PIP5K1B: variants seen among roughly 807,000 people sequenced by gnomAD.
PIP5K1B encodes phosphatidylinositol-4-phosphate 5-kinase type 1 beta, also known as phosphatidylinositol 4-phosphate 5-kinase type-1 beta.
A neutral mutation model predicts 67.0 loss-of-function variants in PIP5K1B; 42 were observed. That is an observed-to-expected ratio of 0.63 (90% CI 0.49 to 0.81). The LOEUF is 0.81. Ranked by LOEUF, PIP5K1B falls within the 30% of genes least tolerant of loss-of-function variation. The probability of loss-of-function intolerance (pLI) is 0.00; values close to 1 mark genes in which losing one functional copy is unlikely to be tolerated. For missense variants in PIP5K1B, 459 were observed against 646.3 expected, an observed-to-expected ratio of 0.71 and a Z score of 3.14; for synonymous variants, 214 against 231.4, an observed-to-expected ratio of 0.92 and a Z score of 0.68.
intron 1 of PIP5K1B, chr9:68,707,879 G>A (rs1387783706): frequency 6.6e-6 from 1 of 152,172 alleles, no homozygotes; most frequent in African/African-American, 2.4e-5. Context: ...AGTCTCAAGT[G>A]TCTCACATAT....
At chr9:68,927,931 T>C (rs1057320196) in intron 12 of PIP5K1B, among the ~76,000 whole-genome samples, 1 of 152,184 alleles carries the variant, frequency 6.6e-6, no homozygotes, top group African/African-American at 2.4e-5. Context: ...TTTTTGTATA[T>C]GATATGAGGT....
intron 11 of PIP5K1B, among the ~76,000 whole-genome samples, chr9:68,920,295 A>G (rs1826300847): frequency 1.3e-5 from 2 of 152,014 alleles, no homozygotes; most frequent in Admixed American, 1.3e-4. Context: ...AGAGAAAGTG[A>G]AAACTTTTTA....
chr9:68,958,192 T>A (rs1828502167), intron 14 of PIP5K1B, among the ~76,000 whole-genome samples: 1 of 152,128 alleles, frequency 6.6e-6, no homozygotes, highest in South Asian at 2.1e-4. Context: ...TTTTCTCAAA[T>A]GCTAAGTTGC....
At chr9:68,757,873 A>T (rs907187985) in intron 2 of PIP5K1B, among the ~76,000 whole-genome samples, 1 of 152,134 alleles carries the variant, frequency 6.6e-6, no homozygotes, top group Non-Finnish European at 1.5e-5. Context: ...CAGCTATAAA[A>T]CCTGGATAGA....
intron 8 of PIP5K1B, among the ~76,000 whole-genome samples, chr9:68,902,475 C>T (rs1825412395): frequency 6.6e-6 from 1 of 152,100 alleles, no homozygotes; most frequent in South Asian, 2.1e-4. Context: ...AGTGATATTT[C>T]TTGGTATGGA....
At chr9:68,713,983 G>A (rs1827516431) in intron 1 of PIP5K1B, among the ~76,000 whole-genome samples, 1 of 152,166 alleles carries the variant, frequency 6.6e-6, no homozygotes, top group Non-Finnish European at 1.5e-5. Flanking sequence ...AGTAAGGGAT[G>A]GCACAAAGGT....
chr9:68,803,003 A>G (rs2039624), intron 2 of PIP5K1B, among the ~76,000 whole-genome samples: 8,174 of 152,312 alleles, frequency 0.054, 411 homozygotes, highest in African/African-American at 0.13. Context: ...TGTGTTAGAA[A>G]TGATGAGATC....
intron 4 of PIP5K1B, among the ~76,000 whole-genome samples, chr9:68,858,164 C>T (rs1034855569): frequency 6.6e-6 from 1 of 151,820 alleles, no homozygotes; most frequent in Non-Finnish European, 1.5e-5. Flanking sequence ...AGTAGAGACG[C>T]GGTTTCACCA....
At chr9:68,951,850 C>G (rs1380131769) in intron 14 of PIP5K1B, among the ~76,000 whole-genome samples, 2 of 152,196 alleles carry the variant, frequency 1.3e-5, no homozygotes, top group Admixed American at 1.3e-4. Context: ...TCACCTTCAA[C>G]TCTTTGAGCT....
At chr9:68,732,069 C>G (rs1256331225) in intron 1 of PIP5K1B, among the ~76,000 whole-genome samples, 1 of 152,188 alleles carries the variant, frequency 6.6e-6, no homozygotes, top group Non-Finnish European at 1.5e-5. Context: ...CTGCTGTGAA[C>G]TAGTCACGAG....
intron 2 of PIP5K1B, among the ~76,000 whole-genome samples, chr9:68,744,805 C>T (rs1014635393): frequency 1.3e-5 from 2 of 152,182 alleles, no homozygotes; most frequent in African/African-American, 4.8e-5. Flanking sequence ...CTCTCACCTC[C>T]AATTTCCTTG....
intron 14 of PIP5K1B, among the ~76,000 whole-genome samples, chr9:68,957,192 C>T (rs74549069): frequency 0.013 from 2,039 of 151,370 alleles, 54 homozygotes; most frequent in African/African-American, 0.047. Flanking sequence ...TCAGACATCA[C>T]GTCCTCTCTC....
Position 68,894,434 on chromosome 9 carries a change from C to G in PIP5K1B, c.567C>G (p.Asn189Lys). ...TTAATATCAGGATTGTGGTGATGAA[C>G]AACGTTTTGCCACGCTCCATGAGAA... Reference protein sequence around the residue: ...GGINIRIVVMNNVLPRSMRMH... With the variant: ...GGINIRIVVMKNVLPRSMRMH... Residue 189 changes from asparagine (N) to lysine (K), a missense_variant, in exon 8 of 16, where the codon AAC becomes AAG. Physicochemically the swap from Asn to Lys is moderately conservative, Grantham distance 94. Transcript: ENST00000265382. 1 of 1,613,952 alleles carries G rather than the reference C, an allele frequency of 6.2e-7. No individual in the cohort carries two copies.
intron 2 of PIP5K1B, among the ~76,000 whole-genome samples, chr9:68,785,904 T>A (rs1255809811): frequency 6.6e-6 from 1 of 152,258 alleles, no homozygotes; most frequent in East Asian, 1.9e-4. Context: ...ATGAAGCGAT[T>A]GTTTCTGATG....
chr9:69,000,191 C>T (rs1830760575), intron 15 of PIP5K1B, among the ~76,000 whole-genome samples: 1 of 152,084 alleles, frequency 6.6e-6, no homozygotes, highest in Non-Finnish European at 1.5e-5. Flanking sequence ...CTTCTTTCTA[C>T]TGTTTAGGCA....
chr9:68,924,401 CAA>C (rs71353093), intron 12 of PIP5K1B, among the ~76,000 whole-genome samples: 43,217 of 85,846 alleles, frequency 0.5, 9,426 homozygotes, highest in Admixed American at 0.63. Context: ...CACTGCGCCT[CAA>C]AAAAAAAAAA....
intron 2 of PIP5K1B, among the ~76,000 whole-genome samples, chr9:68,746,074 CTCT>C (rs1346664370): frequency 7.9e-6 from 1 of 126,276 alleles, no homozygotes; most frequent in Admixed American, 8.7e-5. Context: ...TTTGTGTTAA[CTCT>C]TTTTTTTTTT....
chr9:68,834,486 T>G (rs1834492180), intron 4 of PIP5K1B, among the ~76,000 whole-genome samples: 1 of 152,208 alleles, frequency 6.6e-6, no homozygotes, highest in Admixed American at 6.5e-5. Context: ...CCAACTGCAC[T>G]GTGAGTGGCT....
chr9:68,824,099 C>A, intron 4 of PIP5K1B: 1 of 518,948 alleles, frequency 1.9e-6, no homozygotes, highest in Non-Finnish European at 3.8e-6. Flanking sequence ...TTTTTAGACA[C>A]AAGTGAAAAA....
Sources: gnomAD v4.1 joint callset for allele counts (sites outside exome capture counted in the v4.1 genomes callset) on GRCh38, gnomAD v4.1.1 for gene constraint, MANE v1.5 for transcripts, NCBI Gene and HGNC (gene_info 2026-07-23, HGNC 2026-07-21) for gene names.